RRN3: variants seen among roughly 807,000 people sequenced by gnomAD.
The protein encoded by RRN3 is RNA polymerase I transcription factor RRN3.
RRN3 carries 38 observed loss-of-function variants against 82.3 expected under a neutral mutation model. The observed-to-expected ratio is 0.46, with a 90% confidence interval of 0.36 to 0.61. RRN3 has a LOEUF of 0.61. RRN3 is among the 20% of genes least tolerant of loss of function. RRN3 has a pLI of 0.00. For missense variants in RRN3, 726 were observed against 793.1 expected (o/e 0.92, Z 1.02); for synonymous variants, 284 against 284.3 (o/e 1.00, Z 0.01).
At chr16:15,089,833 A>G (rs2046059886) in intron 3 of RRN3, among the ~76,000 whole-genome samples, 1 of 147,794 alleles carries the variant, frequency 6.8e-6, no homozygotes, top group Non-Finnish European at 1.5e-5. Flanking sequence ...ATCAGGAGAC[A>G]GGAGGATCAG....
intron 3 of RRN3, among the ~76,000 whole-genome samples, chr16:15,088,138 A>T (rs1183084710): frequency 6.6e-6 from 1 of 151,882 alleles, no homozygotes; most frequent in African/African-American, 2.4e-5. Flanking sequence ...AAAAAAGTAA[A>T]TCAGTTGCAG....
chr16:15,087,367 G>A (rs1412190135), intron 3 of RRN3, among the ~76,000 whole-genome samples: 1 of 152,070 alleles, frequency 6.6e-6, no homozygotes, highest in Admixed American at 6.5e-5. Context: ...GGAAGCTGAG[G>A]CTAAGAACGA....
chr16:15,068,377 T>A, intron 14 of RRN3, 100 bp from the exon 15 acceptor site: 1 of 1,420,474 alleles, frequency 7.0e-7, no homozygotes, highest in Non-Finnish European at 9.4e-7. Flanking sequence ...TAAAAAAAAC[T>A]TTAAAAAATT....
intron 1 of RRN3, among the ~76,000 whole-genome samples, chr16:15,093,681 G>A (rs1335175750): frequency 1.3e-5 from 2 of 152,202 alleles, no homozygotes; most frequent in Admixed American, 6.5e-5. Flanking sequence ...TGCTACGGGG[G>A]TTAGGGATTT....
intron 1 of RRN3, chr16:15,093,859 G>C: frequency 6.4e-6 from 3 of 467,594 alleles, no homozygotes; most frequent in South Asian, 2.9e-5. Flanking sequence ...GGAAGGAAGA[G>C]GGGTCAAGGC....
chr16:15,068,426 G>C (rs1168613982), intron 14 of RRN3, 149 bp from the exon 15 acceptor site: 8 of 962,722 alleles, frequency 8.3e-6, no homozygotes, highest in Non-Finnish European at 1.2e-5. Context: ...CATGCAGATA[G>C]TCACACAGTA....
chr16:15,069,735 G>A (rs1436592236), intron 14 of RRN3, among the ~76,000 whole-genome samples: 1 of 152,162 alleles, frequency 6.6e-6, no homozygotes, highest in Non-Finnish European at 1.5e-5. Flanking sequence ...CAAAGAGAAG[G>A]TGCATCCAAC....
upstream of RRN3, chr16:15,094,328 C>T: frequency 4.2e-6 from 5 of 1,196,350 alleles, no homozygotes; most frequent in African/African-American, 3.1e-5. Flanking sequence ...GCCAGCGCAA[C>T]CTTCAGCCAA....
In RRN3 at chr16:15,084,719, A is replaced by G; in HGVS notation, c.533-14T>C. The stretch of plus-strand genomic sequence containing the variant: ...TTGCAGGAAGATCTGAAAGGAGAAA[A>G]GTTCAGAGTATGAGCATCAAAACAA... On this transcript the variant is annotated splice_polypyrimidine_tract_variant and intron_variant, in intron 6 of 17. Coordinates refer to ENST00000198767, the MANE Select transcript of RRN3 (RefSeq NM_018427.5). 1 of 1,605,222 alleles carries G rather than the reference A, an allele frequency of 6.2e-7. No homozygotes were observed. The highest frequency in any genetic ancestry group is 8.5e-7 in the Non-Finnish European group (1 of 1,171,968).
chr16:15,064,158 A>G (rs1373062530), intron 16 of RRN3, among the ~76,000 whole-genome samples: 1 of 151,974 alleles, frequency 6.6e-6, no homozygotes, highest in Non-Finnish European at 1.5e-5. Context: ...TCATCTAGAT[A>G]AATCGCTTTT....
At chr16:15,066,823 T>C (rs1422347880) in intron 15 of RRN3, among the ~76,000 whole-genome samples, 1 of 151,582 alleles carries the variant, frequency 6.6e-6, no homozygotes, top group Non-Finnish European at 1.5e-5. Flanking sequence ...ATTTACCATA[T>C]CTGTACCTAG....
chr16:15,084,828 G>C, intron 6 of RRN3, 123 bp from the exon 7 acceptor site: 1 of 725,020 alleles, frequency 1.4e-6, no homozygotes, highest in Non-Finnish European at 2.5e-6. Flanking sequence ...CACTTTGGGA[G>C]GCCGAGGTGG....
chr16:15,077,740 C>G (rs894622556), intron 9 of RRN3, among the ~76,000 whole-genome samples: 12 of 152,224 alleles, frequency 7.9e-5, no homozygotes, highest in African/African-American at 2.7e-4. Flanking sequence ...AATCAGGAGG[C>G]TGAGGCAGGA....
chr16:15,076,848 C>A (rs575905146), intron 9 of RRN3, among the ~76,000 whole-genome samples, 198 bp from the exon 10 acceptor site: 29 of 152,254 alleles, frequency 1.9e-4, no homozygotes, highest in African/African-American at 6.7e-4. Context: ...ATATAATAAA[C>A]CAAGCCCCTT....
At chr16:15,094,293 A>G, upstream of RRN3, 4 of 1,395,854 alleles carry the variant, frequency 2.9e-6, no homozygotes, top group South Asian at 2.5e-5. Context: ...TTCCAGCCAC[A>G]GCCTCTGTCC....
chr16:15,090,553 C>T (rs1489696348), intron 3 of RRN3, among the ~76,000 whole-genome samples: 1 of 152,200 alleles, frequency 6.6e-6, no homozygotes, highest in Non-Finnish European at 1.5e-5. Context: ...GCACTATGAT[C>T]ACACCTGTGA....
intron 15 of RRN3, among the ~76,000 whole-genome samples, chr16:15,067,471 C>T: frequency 9.5e-6 from 1 of 105,666 alleles, no homozygotes; most frequent in Non-Finnish European, 2.3e-5. Flanking sequence ...CTTAGAACTG[C>T]CTGGCACAGA....
intron 9 of RRN3, among the ~76,000 whole-genome samples, chr16:15,078,269 C>T (rs1374967542): frequency 1.3e-5 from 2 of 152,162 alleles, no homozygotes; most frequent in African/African-American, 4.8e-5. Flanking sequence ...TTTCCTATAG[C>T]ATCAATGTTT....
intron 6 of RRN3, among the ~76,000 whole-genome samples, 157 bp downstream of exon 6, chr16:15,085,482 A>G (rs1260601761): frequency 6.6e-6 from 1 of 151,970 alleles, no homozygotes; most frequent in Non-Finnish European, 1.5e-5. Context: ...AAAATATTTG[A>G]AAAAAAATGT....
Sources: gnomAD v4.1 joint callset for allele counts (sites outside exome capture counted in the v4.1 genomes callset) on GRCh38, gnomAD v4.1.1 for gene constraint, MANE v1.5 for transcripts, NCBI Gene and HGNC (gene_info 2026-07-23, HGNC 2026-07-21) for gene names.